Variants in HIVEP3 observed in about 807,000 individuals in gnomAD.
HIVEP3 encodes HIVEP zinc finger 3, also known as transcription factor HIVEP3.
Under a neutral mutation model 152.8 loss-of-function variants are expected in HIVEP3, and 49 were observed. That is an observed-to-expected ratio of 0.32 (90% CI 0.26 to 0.41). The LOEUF (loss-of-function observed/expected upper bound fraction) is 0.41. HIVEP3 is among the 10% of genes least tolerant of loss of function. The probability of loss-of-function intolerance (pLI) is 1.00; values close to 1 mark genes in which losing one functional copy is unlikely to be tolerated. For missense variants in HIVEP3, 2,790 were observed against 3,103.3 expected, an observed-to-expected ratio of 0.90 and a Z score of 2.40; for synonymous variants, 1,269 against 1,289.0, an observed-to-expected ratio of 0.98 and a Z score of 0.33.
At chr1:41,633,851 A>C (rs4083592) in intron 2 of HIVEP3, among the ~76,000 whole-genome samples, 5 of 152,030 alleles carry the variant, frequency 3.3e-5, no homozygotes, top group Admixed American at 3.3e-4. Context: ...TGGAATCAGC[A>C]CCCTCCCTTC....
intron 1 of HIVEP3, among the ~76,000 whole-genome samples, chr1:41,751,898 C>T (rs1647170269): frequency 6.6e-6 from 1 of 152,182 alleles, no homozygotes; most frequent in Non-Finnish European, 1.5e-5. Context: ...TGTCCAAAGC[C>T]TGTGATGGGT....
chr1:41,519,383 C>T (rs1024992495), intron 6 of HIVEP3, among the ~76,000 whole-genome samples: 20 of 152,220 alleles, frequency 1.3e-4, no homozygotes, highest in Admixed American at 1.0e-3. Context: ...AGGTGCACAA[C>T]ATTTCACAGG....
intron 7 of HIVEP3, among the ~76,000 whole-genome samples, chr1:41,517,555 T>C (rs1642644203): frequency 6.8e-6 from 1 of 147,438 alleles, no homozygotes; most frequent in African/African-American, 2.7e-5. Flanking sequence ...AGTGCGTGCA[T>C]ACACACTCCT....
chr1:41,969,546 C>T (rs1319495687), intron 1 of HIVEP3, among the ~76,000 whole-genome samples: 1 of 152,112 alleles, frequency 6.6e-6, no homozygotes, highest in African/African-American at 2.4e-5. Flanking sequence ...ATACCTTATA[C>T]AAAAATTAGC....
rs1456253533 is a variant in HIVEP3, at chr1:41,581,380, G to A, written c.3418C>T (p.Pro1140Ser). 7.4e-6 allele frequency: 12 copies of A among 1,612,074 alleles called. No homozygotes were observed. Among genetic ancestry groups the A allele is most frequent in the Middle Eastern group, 3.3e-4 (2 of 6,066 alleles). The change falls in exon 4 of 9, where the codon CCC becomes TCC. Residue 1140 changes from proline (P) to serine (S), a missense_variant. Around this residue, in one of 9 missense-constraint regions of HIVEP3, gnomAD observed 1,078 missense variants for 1,165.3 expected, o/e 0.93. Coordinates refer to ENST00000372583, the MANE Select transcript of HIVEP3 (RefSeq NM_024503.5). The surrounding 1 kb of genome is among the most constrained non-coding windows in gnomAD (Gnocchi z 4.5). ...QTPLHEKPYL[P>S]PPVSLFSFQH... ...AAGGAGAAAAGGGAGACTGGTGGGG[G>A]CAGGTATGGCTTCTCATGCAGGGGT...
At chr1:41,604,269 C>T (rs892514737) in intron 3 of HIVEP3, among the ~76,000 whole-genome samples, 1 of 152,128 alleles carries the variant, frequency 6.6e-6, no homozygotes, top group African/African-American at 2.4e-5. Context: ...AAACTGGAAA[C>T]AGCTCAAATG....
intron 2 of HIVEP3, among the ~76,000 whole-genome samples, chr1:41,695,813 A>T (rs1467151934): frequency 3.3e-5 from 5 of 152,210 alleles, no homozygotes; most frequent in Non-Finnish European, 7.3e-5. Flanking sequence ...TCTCAGGTGA[A>T]AATTAAAGTG....
chr1:41,581,058 G>A lies in HIVEP3; in HGVS notation c.3740C>T (p.Ala1247Val). 6.4e-7 allele frequency: 1 copy of A among 1,558,388 alleles called. No individual in the cohort carries two copies. Among genetic ancestry groups the A allele is most frequent in the Non-Finnish European group, 8.7e-7 (1 of 1,151,192 alleles). ...GFFLPLQSQFALQLPGDVESH... is the reference protein window; with the variant it reads ...GFFLPLQSQFVLQLPGDVESH... ...TTCCACATCACCAGGGAGCTGAAGT[G>A]CAAACTGGGATTGCAGAGGCAGGAA... Residue 1247 changes from alanine (A) to valine (V), a missense_variant, in exon 4 of 9, where the codon GCA (alanine) becomes GTA (valine). Physicochemically the swap from Ala to Val is moderately conservative, Grantham distance 64. Coordinates refer to ENST00000372583, the MANE Select transcript of HIVEP3 (RefSeq NM_024503.5). The surrounding 1 kb of genome is among the most constrained non-coding windows in gnomAD (Gnocchi z 4.5).
At chr1:41,518,327 G>T in intron 7 of HIVEP3, 75 bp downstream of exon 7, 1 of 1,261,588 alleles carries the variant, frequency 7.9e-7, no homozygotes, top group Non-Finnish European at 1.2e-6. Context: ...AGCAGGGAAG[G>T]CAAGCAGGAA....
intron 1 of HIVEP3, among the ~76,000 whole-genome samples, chr1:41,814,324 G>T (rs139612667): frequency 7.2e-5 from 11 of 152,310 alleles, no homozygotes; most frequent in African/African-American, 2.4e-4. Context: ...GTGGGGTCAC[G>T]TGGGGACAGT....
intron 1 of HIVEP3, among the ~76,000 whole-genome samples, chr1:42,031,592 T>G (rs1645613177): frequency 1.3e-5 from 2 of 152,170 alleles, no homozygotes; most frequent in African/African-American, 4.8e-5. Context: ...CCGCAACTTT[T>G]GACAACCAAA....
At chr1:41,802,063 A>T (rs988415810) in intron 1 of HIVEP3, among the ~76,000 whole-genome samples, 9 of 152,332 alleles carry the variant, frequency 5.9e-5, no homozygotes, top group African/African-American at 2.2e-4. Context: ...TTGCCTAGCC[A>T]CAAGTTCAAA....
chr1:41,584,654 G>T lies in HIVEP3; in HGVS notation c.144C>A (p.Ser48Arg), dbSNP rs781555737. Residue 48 changes from serine to arginine, a missense_variant, in exon 4 of 9, where the codon AGC becomes AGA. By Grantham distance (110) the Ser-to-Arg change is moderately radical (BLOSUM62 -1). Transcript: ENST00000372583. The surrounding 1 kb of genome is among the most constrained non-coding windows in gnomAD (Gnocchi z 5.2). Reference sequence around the variant, plus strand: ...GCGGGGCTAAGAGCTCTTGGGCGGGGCTCTCTTGGGTGGCAGCTGTGCCGC... The same window carrying T: ...GCGGGGCTAAGAGCTCTTGGGCGGGTCTCTCTTGGGTGGCAGCTGTGCCGC... ...PGSGTAATQE[S>R]PAQELLAPQP... The T allele has an allele frequency of 6.3e-7, 1 of 1,595,658 alleles. No homozygotes were observed. The highest frequency in any genetic ancestry group is 1.3e-5 in the African/African-American group (1 of 74,344).
intron 3 of HIVEP3, among the ~76,000 whole-genome samples, chr1:41,594,527 C>T (rs576576436): frequency 6.6e-6 from 1 of 152,266 alleles, no homozygotes; most frequent in Admixed American, 6.5e-5. Context: ...TGGCCGATAT[C>T]TTATGTTTTA....
chr1:41,582,368 A>G lies in HIVEP3; in HGVS notation c.2430T>C (p.Asp810=). 1 of 1,614,176 alleles carries G rather than the reference A, an allele frequency of 6.2e-7. No homozygotes were observed. Among genetic ancestry groups the G allele is most frequent in the Non-Finnish European group, 8.5e-7 (1 of 1,180,008 alleles). ...IQHTSSFEKS[D]SLEQPSGLEG... is the part of the protein sequence containing the mutation. ...CCAAGCCACTCGGCTGCTCGAGAGA[A>G]TCAGATTTCTCAAAGGAGCTGGTGT... The change falls in exon 4 of 9, where the codon GAT becomes GAC. Residue 810 remains aspartate, a synonymous_variant. Coordinates refer to ENST00000372583, the MANE Select transcript of HIVEP3 (RefSeq NM_024503.5). This position sits in a 1 kb window ranked among gnomAD's most constrained non-coding sequence, Gnocchi z 4.7.
At chr1:41,757,426 AT>A (rs1306019902) in intron 1 of HIVEP3, among the ~76,000 whole-genome samples, 1 of 151,344 alleles carries the variant, frequency 6.6e-6, no homozygotes, top group Non-Finnish European at 1.5e-5. Context: ...CCAAAAAAAT[AT>A]TTTTTTAATT....
At chr1:42,034,589 T>C (rs1420705424) in intron 1 of HIVEP3, among the ~76,000 whole-genome samples, 1 of 152,216 alleles carries the variant, frequency 6.6e-6, no homozygotes, top group South Asian at 2.1e-4. Flanking sequence ...GGCAGGACTG[T>C]ACACTTATGT....
rs1459307755 is a variant in HIVEP3 at position 41,582,043 on chromosome 1, C to G, written c.2755G>C (p.Glu919Gln). 6.2e-7 allele frequency: 1 copy of G among 1,614,192 alleles called. No individual in the cohort carries two copies. The highest frequency in any genetic ancestry group is 8.5e-7 in the Non-Finnish European group (1 of 1,180,036). ...GGCACAGAGGACTCGAAGCTGGACT[C>G]CCCTGATGATTGGGCCATCTCTGCC... ...RLAEMAQSSG[E>Q]SSFESSVPLS... is the part of the protein sequence containing the mutation. The change falls in exon 4 of 9, where the codon GAG becomes CAG. Residue 919 changes from glutamate (E) to glutamine (Q), a missense_variant. Glu to Gln is a conservative substitution (Grantham distance 29). Around this residue, in one of 9 missense-constraint regions of HIVEP3, gnomAD observed 1,078 missense variants for 1,165.3 expected, o/e 0.93. Transcript: ENST00000372583. This position sits in a 1 kb window ranked among gnomAD's most constrained non-coding sequence, Gnocchi z 4.7.
intron 1 of HIVEP3, among the ~76,000 whole-genome samples, chr1:41,810,948 C>T (rs1650922163): frequency 6.6e-6 from 1 of 152,198 alleles, no homozygotes; most frequent in Non-Finnish European, 1.5e-5. Flanking sequence ...TTGGATCTTG[C>T]CTGTCCTATT....
Sources: allele counts gnomAD v4.1 joint callset (sites outside exome capture counted in the v4.1 genomes callset), GRCh38; gene constraint gnomAD v4.1.1; regional missense constraint gnomAD v4.1.1; non-coding constraint Gnocchi (gnomAD v3.1); transcripts MANE v1.5; gene names NCBI Gene and HGNC (gene_info 2026-07-23, HGNC 2026-07-21).